CADM2: variants seen among roughly 807,000 people sequenced by gnomAD.
The protein encoded by CADM2 is immunoglobulin superfamily member 4D.
A neutral mutation model predicts 49.8 loss-of-function variants in CADM2; 12 were observed. That is an observed-to-expected ratio of 0.24 (90% CI 0.15 to 0.39). CADM2 has a LOEUF of 0.39. CADM2 is among the 10% of genes least tolerant of loss of function. The pLI is 1.00. For missense variants in CADM2, 378 were observed against 492.3 expected (o/e 0.77, Z 2.20); for synonymous variants, 214 against 175.4 (o/e 1.22, Z -1.74).
At chr3:85,595,037 G>C (rs2063203507) in intron 1 of CADM2, among the ~76,000 whole-genome samples, 1 of 152,008 alleles carries the variant, frequency 6.6e-6, no homozygotes, top group Admixed American at 6.6e-5. Context: ...TTTCAAATCT[G>C]CTTTCAAGTT....
chr3:84,959,451 C>T lies in CADM2; in HGVS notation c.-157C>T. The T allele has an allele frequency of 1.6e-6, 1 of 641,764 alleles. No individual in the cohort carries two copies. Among genetic ancestry groups the T allele is most frequent in the Non-Finnish European group, 2.7e-6 (1 of 376,978 alleles). 39.8% of individuals were successfully genotyped at this position (641,764 alleles called of 1,614,324 possible). On this transcript the variant is annotated 5_prime_UTR_variant, in exon 1 of 10. Coordinates refer to ENST00000383699, the MANE Select transcript of CADM2 (RefSeq NM_001167675.2). ...TTGCCGCTGCCGCTTCTGCTGCCGC[C>T]GATCCGAGTCCGCGGGTTCGAACAC...
intron 1 of CADM2, among the ~76,000 whole-genome samples, chr3:85,016,791 T>TA (rs370640408): frequency 0.083 from 11,963 of 144,800 alleles, 701 homozygotes; most frequent in African/African-American, 0.16. Context: ...AGTCTCCATC[T>TA]AAAAAAAAAA....
At chr3:85,726,578 T>A in intron 2 of CADM2, 30 bp downstream of exon 2, 2 of 1,568,902 alleles carry the variant, frequency 1.3e-6, no homozygotes, top group South Asian at 1.1e-5. Flanking sequence ...GCATGAGTCA[T>A]CATCATTCAT....
At chr3:85,352,985 T>A (rs1403136126) in intron 1 of CADM2, among the ~76,000 whole-genome samples, 2 of 152,122 alleles carry the variant, frequency 1.3e-5, no homozygotes, top group Admixed American at 1.3e-4. Flanking sequence ...CAGCTTACAA[T>A]GAATATTTTT....
In CADM2 at chr3:85,424,292, T is replaced by G. The variant is rs751248765; in HGVS notation, c.62-302230T>G. On this transcript the variant is annotated intron_variant, in intron 1 of 9. Transcript: ENST00000383699. ...TATTATGTTTAAAAGCATATAGAGA[T>G]AGTAGATTTAAAAAATTATATTTGA... Among the ~76,000 whole-genome samples the G allele has an allele frequency of 3.3e-5, 5 of 151,844 alleles. 1 individual carries two copies. The South Asian group carries it at 1.0e-3, about 31-fold the overall frequency.
chr3:85,841,663 C>T (rs911049124), intron 3 of CADM2, among the ~76,000 whole-genome samples: 1 of 151,948 alleles, frequency 6.6e-6, no homozygotes, highest in South Asian at 2.1e-4. Context: ...GACACAATAT[C>T]TGTAGCACAC....
intron 1 of CADM2, among the ~76,000 whole-genome samples, chr3:85,633,611 G>A (rs1436319912): frequency 6.6e-6 from 1 of 151,994 alleles, no homozygotes; most frequent in African/African-American, 2.4e-5. Context: ...TCAATATGCA[G>A]TCATAGTTAA....
At chr3:85,278,483 T>G (rs1462201470) in intron 1 of CADM2, among the ~76,000 whole-genome samples, 1 of 151,508 alleles carries the variant, frequency 6.6e-6, no homozygotes, top group East Asian at 1.9e-4. Context: ...TGACACATCA[T>G]TATTTATCAC....
chr3:85,196,460 A>G (rs966014754), intron 1 of CADM2, among the ~76,000 whole-genome samples: 45 of 151,974 alleles, frequency 3.0e-4, no homozygotes, highest in African/African-American at 1.1e-3. Context: ...TTATAAGATG[A>G]TACTATTTTA....
chr3:85,011,713 C>T (rs903023777), intron 1 of CADM2, among the ~76,000 whole-genome samples: 1 of 151,894 alleles, frequency 6.6e-6, no homozygotes, highest in Admixed American at 6.6e-5. Flanking sequence ...GGAGACCCCA[C>T]CTCTACAATT....
At position 85,898,751 on chromosome 3, in the gene CADM2, T is replaced by A. The variant is rs901040591; in HGVS notation, c.529+12424T>A. ...CAGGTTGTTTATAGTTTGCAGATAT[T>A]ATAGTAAAGCTACTATGAACATTTG... On this transcript the variant is annotated intron_variant, in intron 5 of 9. Transcript: ENST00000383699. 1.9e-4 allele frequency among the ~76,000 whole-genome samples: 29 copies of A among 151,506 alleles called. No individual in the cohort carries two copies. In the Middle Eastern group the frequency reaches 0.01, roughly 54 times the overall value.
At chr3:85,048,131 G>T in intron 1 of CADM2, among the ~76,000 whole-genome samples, 1 of 152,022 alleles carries the variant, frequency 6.6e-6, no homozygotes, top group East Asian at 1.9e-4. Context: ...AGCATGTTAA[G>T]TGCCAAGACG....
At chr3:85,061,948 A>G (rs944658876) in intron 1 of CADM2, among the ~76,000 whole-genome samples, 9 of 151,368 alleles carry the variant, frequency 5.9e-5, no homozygotes, top group African/African-American at 2.2e-4. Context: ...AGAAAGAAAA[A>G]AAATATTTCA....
intron 1 of CADM2, among the ~76,000 whole-genome samples, chr3:85,489,373 T>C (rs1039536527): frequency 6.6e-6 from 1 of 152,196 alleles, no homozygotes; most frequent in African/African-American, 2.4e-5. Flanking sequence ...TAGACTGATA[T>C]ACTGATAACA....
chr3:85,385,117 T>A (rs560109995), intron 1 of CADM2, among the ~76,000 whole-genome samples: 2 of 152,062 alleles, frequency 1.3e-5, no homozygotes, highest in African/African-American at 4.8e-5. Flanking sequence ...GTATATTTAG[T>A]ATAGATGGGG....
chr3:85,966,208 T>C (rs1167123261), intron 8 of CADM2, among the ~76,000 whole-genome samples: 2 of 151,678 alleles, frequency 1.3e-5, no homozygotes, highest in Non-Finnish European at 3.0e-5. Context: ...TAATTTCTCC[T>C]TCTGCCAATA....
At chr3:85,729,356 A>G (rs2067839449) in intron 2 of CADM2, among the ~76,000 whole-genome samples, 2 of 152,146 alleles carry the variant, frequency 1.3e-5, no homozygotes. Flanking sequence ...CACTTCCTAC[A>G]AAATAAAGAA....
chr3:85,931,877 T>G (rs1720642250), intron 6 of CADM2, among the ~76,000 whole-genome samples: 1 of 151,494 alleles, frequency 6.6e-6, no homozygotes, highest in Admixed American at 6.6e-5. Flanking sequence ...ATTTTAAAAT[T>G]TAAAATTATT....
At chr3:85,291,941 T>A (rs1220129544) in intron 1 of CADM2, among the ~76,000 whole-genome samples, 1 of 151,768 alleles carries the variant, frequency 6.6e-6, no homozygotes, top group African/African-American at 2.4e-5. Context: ...CATAACAATA[T>A]TACCTTTAAA....
Sources: allele counts gnomAD v4.1 joint callset (sites outside exome capture counted in the v4.1 genomes callset), GRCh38; gene constraint gnomAD v4.1.1; transcripts MANE v1.5; gene names NCBI Gene and HGNC (gene_info 2026-07-23, HGNC 2026-07-21).